Variants in BRAF observed in about 807,000 individuals in gnomAD.
The protein encoded by BRAF is B-Raf proto-oncogene, serine/threonine kinase, also known as serine/threonine-protein kinase B-raf.
A neutral mutation model predicts 104.6 loss-of-function variants in BRAF; 16 were observed. The observed-to-expected ratio is 0.15, with a 90% CI of 0.10 to 0.23. The LOEUF (loss-of-function observed/expected upper bound fraction) is 0.23. Ranked by LOEUF, BRAF falls within the 10% of genes least tolerant of loss-of-function variation. The probability of loss-of-function intolerance (pLI) is 1.00; values close to 1 mark genes in which losing one functional copy is unlikely to be tolerated. For synonymous variants in BRAF, 310 were observed against 341.6 expected, an observed-to-expected ratio of 0.91 and a Z score of 1.02; for missense variants, 541 against 937.3, an observed-to-expected ratio of 0.58 and a Z score of 5.52.
Position 140,749,436 on chromosome 7 carries a change from G to T in BRAF, c.1981-18C>A. On this transcript the variant is annotated intron_variant, in intron 16 of 19. Transcript: ENST00000644969. The stretch of plus-strand genomic sequence containing the variant: ...TCTGGTGCCTGTTAGAACATACAAA[G>T]AAAAATATTCTTCACTTCAATTGAA... 2 of 1,611,380 alleles carry T rather than the reference G, an allele frequency of 1.2e-6. No homozygotes were observed. Among genetic ancestry groups the T allele is most frequent in the South Asian group, 1.1e-5 (1 of 90,964 alleles).
chr7:140,783,219 G>A (rs2129026567), intron 10 of BRAF, 62 bp from the exon 10 acceptor site: 1 of 1,586,224 alleles, frequency 6.3e-7, no homozygotes, highest in Non-Finnish European at 8.6e-7. Context: ...ATTTATCAGG[G>A]GTAGAAGGTT....
chr7:140,912,922 T>C (rs1021474272), intron 1 of BRAF, among the ~76,000 whole-genome samples: 3 of 152,220 alleles, frequency 2.0e-5, no homozygotes, highest in African/African-American at 7.2e-5. Flanking sequence ...CCTAGATAAC[T>C]GAAAGAGATC....
intron 14 of BRAF, among the ~76,000 whole-genome samples, chr7:140,770,644 T>A (rs1390307772): frequency 6.6e-6 from 1 of 151,554 alleles, no homozygotes; most frequent in Non-Finnish European, 1.5e-5. Flanking sequence ...GGTGAAAAGA[T>A]GATAAAACAG....
downstream of BRAF, chr7:140,719,301 T>C: frequency 1.1e-6 from 1 of 889,970 alleles, no homozygotes; most frequent in Non-Finnish European, 1.4e-6. Flanking sequence ...TTACTGAATG[T>C]AATCGTGTTA....
At chr7:140,898,405 C>T (rs1179190901) in intron 1 of BRAF, among the ~76,000 whole-genome samples, 2 of 152,056 alleles carry the variant, frequency 1.3e-5, no homozygotes, top group Non-Finnish European at 2.9e-5. Context: ...CTATCCATAA[C>T]AGAATACCTA....
Position 140,725,589 on chromosome 7 carries a change from C to T in BRAF, c.*905G>A. The T allele has an allele frequency of 1.0e-5, 11 of 1,057,246 alleles. No homozygotes were observed. Among genetic ancestry groups the T allele is most frequent in the Non-Finnish European group, 1.3e-5 (11 of 874,322 alleles). 65.5% of individuals were successfully genotyped at this position (1,057,246 alleles called of 1,614,324 possible). On this transcript the variant is annotated 3_prime_UTR_variant, in exon 20 of 20. Coordinates refer to ENST00000644969, the MANE Select transcript of BRAF (RefSeq NM_001374258.1). ...TTTGTGGGGGTTTAGTTAGATACTG[C>T]CACGGCATTTTGTGCCCTGGACAAA...
chr7:140,793,186 C>T (rs1802154451), intron 8 of BRAF, among the ~76,000 whole-genome samples: 1 of 152,010 alleles, frequency 6.6e-6, no homozygotes, highest in African/African-American at 2.4e-5. Flanking sequence ...ACAGTGGTAA[C>T]AATCAGAGAA....
chr7:140,769,063 G>A (rs181659019), intron 14 of BRAF, among the ~76,000 whole-genome samples: 2 of 151,394 alleles, frequency 1.3e-5, no homozygotes, highest in East Asian at 3.9e-4. Context: ...TAAAGAAAAT[G>A]GACTAAAACA....
chr7:140,762,603 G>GTTTTTTT (rs774057622), intron 14 of BRAF, among the ~76,000 whole-genome samples: 1 of 96,214 alleles, frequency 1.0e-5, no homozygotes, highest in African/African-American at 3.5e-5. Flanking sequence ...TCCAGGAGCT[G>GTTTTTTT]TTTTTTTTTT....
intron 8 of BRAF, among the ~76,000 whole-genome samples, chr7:140,792,109 T>C (rs574531937): frequency 9.2e-5 from 14 of 152,336 alleles, no homozygotes; most frequent in African/African-American, 3.4e-4. Context: ...TCAACATGAT[T>C]CCTAAGACTC....
chr7:140,757,183 C>T (rs1798270405), intron 14 of BRAF, among the ~76,000 whole-genome samples: 2 of 151,982 alleles, frequency 1.3e-5, no homozygotes, highest in Admixed American at 6.5e-5. Context: ...TAAAAAAGGG[C>T]ACAAAAAGGA....
intron 1 of BRAF, among the ~76,000 whole-genome samples, chr7:140,883,075 T>C (rs1813134259): frequency 6.6e-6 from 1 of 151,974 alleles, no homozygotes; most frequent in Non-Finnish European, 1.5e-5. Context: ...CAAAAAAGAA[T>C]ATCAAAAAGA....
At chr7:140,918,066 A>G (rs894417789) in intron 1 of BRAF, among the ~76,000 whole-genome samples, 2 of 152,240 alleles carry the variant, frequency 1.3e-5, no homozygotes, top group East Asian at 3.8e-4. Context: ...AATTTTCTAC[A>G]CAGATGATAC....
intron 5 of BRAF, among the ~76,000 whole-genome samples, chr7:140,805,015 G>C (rs1055245257): frequency 6.6e-6 from 1 of 151,996 alleles, no homozygotes; most frequent in African/African-American, 2.4e-5. Flanking sequence ...TGTTACCCAG[G>C]CTGGTCTTGA....
rs1315734427 is a variant in BRAF, at chr7:140,721,111, G to C, written c.*5383C>G. 1 of 1,064,016 alleles carries C rather than the reference G, an allele frequency of 9.4e-7. No individual in the cohort carries two copies. The highest frequency in any genetic ancestry group is 1.6e-5 in the African/African-American group (1 of 60,958). The allele number at this position is 1,064,016 out of a possible 1,614,324, so 65.9% of individuals were successfully genotyped here. ...GCACCTCTAAAAAATGGATACACTG[G>C]CTTACATTGGCTGTGTCCTCATACA... On this transcript the variant is annotated 3_prime_UTR_variant, in exon 20 of 20. Coordinates refer to ENST00000644969, the MANE Select transcript of BRAF (RefSeq NM_001374258.1).
downstream of BRAF, among the ~76,000 whole-genome samples, chr7:140,714,572 G>T (rs1795097326): frequency 1.3e-5 from 2 of 152,186 alleles, no homozygotes. Context: ...TGTTGCCCAA[G>T]CTGGTCTTGA....
chr7:140,835,346 A>G (rs1807212611), intron 2 of BRAF: 1 of 166,908 alleles, frequency 6.0e-6, no homozygotes. Flanking sequence ...GGTATTAAGG[A>G]TTTGTCCAAA....
intron 11 of BRAF, 116 bp downstream of exon 10, chr7:140,782,901 TTTAA>T (rs1801016746): frequency 1.6e-6 from 2 of 1,230,500 alleles, no homozygotes; most frequent in Non-Finnish European, 2.2e-6. Flanking sequence ...CTTAAATTTA[TTTAA>T]TTATGGGAAT....
At position 140,755,242 on chromosome 7, in the gene BRAF, TATA is replaced by T. The variant is rs1303709740; in HGVS notation, c.1815-1012_1815-1010del. On this transcript the variant is annotated intron_variant, in intron 14 of 19. Coordinates refer to ENST00000644969, the MANE Select transcript of BRAF (RefSeq NM_001374258.1). ...ACTGAATCAACTACAATAAGATGCA[TATA>T]ATGTGCTAGTCAAGGTTATTTTTCT... Among the ~76,000 whole-genome samples the T allele has an allele frequency of 2.0e-5, 3 of 152,216 alleles. No individual in the cohort carries two copies. In the East Asian group the frequency reaches 5.8e-4, roughly 29 times the overall value.
Sources: gnomAD v4.1 joint callset for allele counts (sites outside exome capture counted in the v4.1 genomes callset) on GRCh38, gnomAD v4.1.1 for gene constraint, MANE v1.5 for transcripts, NCBI Gene and HGNC (gene_info 2026-07-23, HGNC 2026-07-21) for gene names.